Variants in SLC2A14 observed in about 807,000 individuals in gnomAD.
The protein encoded by SLC2A14 is solute carrier family 2, facilitated glucose transporter member 14.
Under a neutral mutation model 43.0 loss-of-function variants are expected in SLC2A14, and 13 were observed. That is an observed-to-expected ratio of 0.30 (90% CI 0.20 to 0.48). SLC2A14 has a LOEUF of 0.48. Ranked by LOEUF, SLC2A14 falls within the 20% of genes least tolerant of loss-of-function variation. The pLI, the probability that SLC2A14 is intolerant of heterozygous loss-of-function variation, is 0.99. For missense variants in SLC2A14, 428 were observed against 620.4 expected (o/e 0.69, Z 3.29); for synonymous variants, 190 against 233.8 (o/e 0.81, Z 1.71).
At chr12:7,891,120 C>G in exon 1 of SLC2A14, 5 of 1,533,690 alleles carry the variant, frequency 3.3e-6, no homozygotes, top group Non-Finnish European at 4.4e-6. Flanking sequence ...CAGTTGGAGT[C>G]TTTGCATTGT....
chr12:7,863,044 C>T (rs1287788761), intron 2 of SLC2A14, among the ~76,000 whole-genome samples: 2 of 152,168 alleles, frequency 1.3e-5, no homozygotes, highest in African/African-American at 2.4e-5. Context: ...TCCTTTCAAA[C>T]TGTTGAAGCT....
At chr12:7,821,797 C>A (rs112542895) in intron 7 of SLC2A14, among the ~76,000 whole-genome samples, 1 of 151,146 alleles carries the variant, frequency 6.6e-6, no homozygotes, top group South Asian at 2.1e-4. Flanking sequence ...CTCCTGCCAC[C>A]GCGCCCAGCT....
At chr12:7,882,968 C>A (rs961568884) in intron 1 of SLC2A14, among the ~76,000 whole-genome samples, 1 of 151,698 alleles carries the variant, frequency 6.6e-6, no homozygotes, top group Non-Finnish European at 1.5e-5. Flanking sequence ...CCCAGGACTT[C>A]GGGAGGCCAA....
At chr12:7,814,793 G>A (rs1351709782) in intron 10 of SLC2A14, among the ~76,000 whole-genome samples, 1 of 150,866 alleles carries the variant, frequency 6.6e-6, no homozygotes, top group Non-Finnish European at 1.5e-5. Flanking sequence ...GGACTTTTGA[G>A]TATTATTATT....
chr12:7,880,475 C>CAAAA (rs112149113), intron 1 of SLC2A14, among the ~76,000 whole-genome samples: 3,923 of 145,578 alleles, frequency 0.027, 155 homozygotes, highest in African/African-American at 0.078. Context: ...ACTCTTGTCT[C>CAAAA]AAAAAAAAAA....
At chr12:7,889,233 C>CTTTTTTTT (rs142327842) in intron 1 of SLC2A14, among the ~76,000 whole-genome samples, 2 of 132,358 alleles carry the variant, frequency 1.5e-5, no homozygotes, top group Non-Finnish European at 3.1e-5. Flanking sequence ...GCTGGTTGCC[C>CTTTTTTTT]TTTTTTTTTT....
intron 2 of SLC2A14, among the ~76,000 whole-genome samples, chr12:7,836,637 C>T (rs1399248868): frequency 6.6e-6 from 1 of 151,982 alleles, no homozygotes; most frequent in African/African-American, 2.4e-5. Flanking sequence ...AATTCAATAC[C>T]AGCCTGGCCA....
chr12:7,824,721 T>C, intron 7 of SLC2A14, among the ~76,000 whole-genome samples: 1 of 100,210 alleles, frequency 1.0e-5, no homozygotes, highest in African/African-American at 3.8e-5. Flanking sequence ...TGACAGAGAC[T>C]CTGTCTCAAA....
intron 2 of SLC2A14, chr12:7,863,435 G>A (rs746154622): frequency 6.0e-5 from 27 of 453,260 alleles, no homozygotes; most frequent in African/African-American, 4.6e-4. Context: ...CAGACACATG[G>A]CCACCATTGT....
At chr12:7,882,075 C>G (rs756365937) in intron 1 of SLC2A14, among the ~76,000 whole-genome samples, 1 of 152,074 alleles carries the variant, frequency 6.6e-6, no homozygotes, top group African/African-American at 2.4e-5. Context: ...GTTGGCCTCC[C>G]TTTCTACACT....
intron 1 of SLC2A14, among the ~76,000 whole-genome samples, chr12:7,890,568 C>T (rs780608723): frequency 1.3e-5 from 2 of 152,190 alleles, no homozygotes; most frequent in South Asian, 4.2e-4. Context: ...TTTAACACGC[C>T]CTTATGCCAG....
At chr12:7,831,124 C>CAA (rs60468169) in intron 4 of SLC2A14, 33,933 of 119,724 alleles carry the variant, frequency 0.28, 4,521 homozygotes, top group East Asian at 0.5. Flanking sequence ...GACTCCATCT[C>CAA]AAAAAAAAAA....
chr12:7,817,778 A>AGATAGATAGATG, intron 10 of SLC2A14, 53 bp downstream of exon 10: 1 of 1,586,684 alleles, frequency 6.3e-7, no homozygotes, highest in Non-Finnish European at 8.6e-7. Context: ...ATAGATAGAT[A>AGATAGATAGATG]GACAGATACA....
At chr12:7,822,071 G>T (rs1198621715) in intron 7 of SLC2A14, among the ~76,000 whole-genome samples, 1 of 151,450 alleles carries the variant, frequency 6.6e-6, no homozygotes, top group Non-Finnish European at 1.5e-5. Context: ...TGATCCGCCC[G>T]CCTCGGCCTC....
At chr12:7,828,561 A>G in intron 6 of SLC2A14, 143 bp downstream of exon 6, 1 of 931,178 alleles carries the variant, frequency 1.1e-6, no homozygotes, top group Non-Finnish European at 1.6e-6. Flanking sequence ...AAAAAGAAAA[A>G]ACAAAGTAGA....
intron 2 of SLC2A14, among the ~76,000 whole-genome samples, chr12:7,858,282 G>A (rs757796655): frequency 5.9e-5 from 9 of 151,988 alleles, no homozygotes; most frequent in Admixed American, 4.6e-4. Context: ...GTCAATTCTC[G>A]AGCCTTCTTA....
intron 7 of SLC2A14, among the ~76,000 whole-genome samples, chr12:7,821,887 C>T (rs144516795): frequency 0.013 from 1,909 of 148,920 alleles, 44 homozygotes; most frequent in African/African-American, 0.044. Context: ...TGCAGTGGCA[C>T]GATCTCGGCT....
At chr12:7,822,049 C>T (rs1863961942) in intron 7 of SLC2A14, among the ~76,000 whole-genome samples, 1 of 151,834 alleles carries the variant, frequency 6.6e-6, no homozygotes, top group African/African-American at 2.4e-5. Flanking sequence ...TGTTCTTGAT[C>T]TCCTGACCTC....
At chr12:7,828,897 C>A (rs772707752) in intron 5 of SLC2A14, 31 bp from the exon 6 acceptor site, 12 of 1,603,132 alleles carry the variant, frequency 7.5e-6, no homozygotes, top group Non-Finnish European at 1.0e-5. Flanking sequence ...ATGCTATAAA[C>A]CCCATACTTC....
Sources: allele counts gnomAD v4.1 joint callset (sites outside exome capture counted in the v4.1 genomes callset), GRCh38; gene constraint gnomAD v4.1.1; transcripts MANE v1.5; gene names NCBI Gene and HGNC (gene_info 2026-07-23, HGNC 2026-07-21).